KCNV2: variants seen among roughly 807,000 people sequenced by gnomAD.
KCNV2 encodes the protein potassium voltage-gated channel modifier subfamily V member 2, also known as potassium voltage-gated channel subfamily V member 2.
In KCNV2, 65 loss-of-function variants were observed where a neutral mutation model predicts 37.0. The observed-to-expected ratio is 1.76, with a 90% CI of 1.44 to 2.16. The LOEUF (loss-of-function observed/expected upper bound fraction) is 2.16, where lower values mean the gene tolerates loss of function less well. Ranked by LOEUF, KCNV2 falls within the 30% of genes most tolerant of loss-of-function variation. The pLI is 0.00. For missense variants in KCNV2, 1,232 were observed against 766.7 expected (o/e 1.61, Z -7.17); for synonymous variants, 518 against 328.6 (o/e 1.58, Z -6.23).
rs746257061 is a variant in KCNV2 at position 2,718,197 on chromosome 9, G to A, written c.458G>A (p.Arg153His). The change falls in exon 1 of 2, where the codon CGC becomes CAC. Residue 153 changes from arginine to histidine, a missense_variant. Transcript: ENST00000382082. ...EEQTDEYFFD[R>H]DPAVFQLVYN... ...CAGACAGACGAATACTTCTTCGACC[G>A]CGACCCGGCCGTCTTCCAGCTGGTC... 2.3e-5 allele frequency: 37 copies of A among 1,613,168 alleles called. No homozygotes were observed. Among genetic ancestry groups the A allele is most frequent in the Middle Eastern group, 1.6e-4 (1 of 6,084 alleles).
At chr9:2,726,949 C>G (rs547774694) in intron 1 of KCNV2, among the ~76,000 whole-genome samples, 1 of 152,064 alleles carries the variant, frequency 6.6e-6, no homozygotes, top group Non-Finnish European at 1.5e-5. Flanking sequence ...AGTTTCATCC[C>G]GAAACCATCC....
intron 1 of KCNV2, among the ~76,000 whole-genome samples, chr9:2,727,415 C>G (rs1170308420): frequency 6.6e-6 from 1 of 151,938 alleles, no homozygotes; most frequent in Non-Finnish European, 1.5e-5. Context: ...CACATGTACC[C>G]TAGAACTTAA....
At position 2,717,967 on chromosome 9, in the gene KCNV2, G is replaced by T. The variant is rs1434725145; in HGVS notation, c.228G>T (p.Gln76His). Residue 76 changes from glutamine to histidine, a missense_variant, in exon 1 of 2, where the codon CAG (glutamine) becomes CAT (histidine). Gln to His is a conservative substitution (Grantham distance 24). Coordinates refer to ENST00000382082, the MANE Select transcript of KCNV2 (RefSeq NM_133497.4). ...AGGACGACCTGGCAGAAGAGGACCA[G>T]CAGGCAGGGGAGGTCACCACCGCCA... Reference protein sequence around the residue: ...QWKDDLAEEDQQAGEVTTAKP... With the variant: ...QWKDDLAEEDHQAGEVTTAKP... The T allele has an allele frequency of 1.2e-6, 2 of 1,614,176 alleles. No individual in the cohort carries two copies. Among genetic ancestry groups the T allele is most frequent in the Non-Finnish European group, 1.7e-6 (2 of 1,180,034 alleles).
At position 2,718,212 on chromosome 9, in the gene KCNV2, T is replaced by G; in HGVS notation, c.473T>G (p.Phe158Cys). 1.2e-6 allele frequency: 2 copies of G among 1,613,544 alleles called. No individual in the cohort carries two copies. The highest frequency in any genetic ancestry group is 1.7e-6 in the Non-Finnish European group (2 of 1,179,950). The part of the protein sequence containing the change: ...EYFFDRDPAV[F>C]QLVYNFYLSG... ...TTCTTCGACCGCGACCCGGCCGTCT[T>G]CCAGCTGGTCTACAATTTCTACCTG... The change falls in exon 1 of 2, where the codon TTC (phenylalanine) becomes TGC (cysteine). Residue 158 changes from phenylalanine (F) to cysteine (C), a missense_variant. Phe to Cys is a radical substitution (Grantham distance 205). Coordinates refer to ENST00000382082, the MANE Select transcript of KCNV2 (RefSeq NM_133497.4).
rs1227401867 is a variant in KCNV2 at position 2,718,899 on chromosome 9, TC to T, written c.1162del (p.Leu388SerfsTer66). 6.2e-7 allele frequency: 1 copy of T among 1,609,148 alleles called. No homozygotes were observed. The highest frequency in any genetic ancestry group is 1.7e-5 in the Admixed American group (1 of 60,022). On this transcript the variant is annotated frameshift_variant, in exon 1 of 2. Transcript: ENST00000382082. LOFTEE classifies it high-confidence loss of function. The part of the protein sequence containing the change: ...RVMRLMRIFR[I>X]LKLARHSTGL... Reference sequence around the variant, plus strand: ...ATGCGCCTCATGCGCATCTTCCGCATCCTCAAGCTGGCGCGCCACTCCACCG... The same window carrying T: ...ATGCGCCTCATGCGCATCTTCCGCATCTCAAGCTGGCGCGCCACTCCACCG...
At position 2,717,995 on chromosome 9, in the gene KCNV2, C is replaced by G. The variant is rs764748937; in HGVS notation, c.256C>G (p.Pro86Ala). ...GGCAGGGGAGGTCACCACCGCCAAG[C>G]CCGAGGGCCCCAGCGACCCTCCGGC... ...QQAGEVTTAK[P>A]EGPSDPPALL... The change falls in exon 1 of 2, where the codon CCC (proline) becomes GCC (alanine). Residue 86 changes from proline to alanine, a missense_variant. Transcript: ENST00000382082. The G allele has an allele frequency of 6.2e-7, 1 of 1,614,102 alleles. No homozygotes were observed. The highest frequency in any genetic ancestry group is 8.5e-7 in the Non-Finnish European group (1 of 1,179,998).
In KCNV2 at chr9:2,718,141, C is replaced by T. The variant is rs1463175335; in HGVS notation, c.402C>T (p.Arg134=). 5 of 1,610,162 alleles carry T rather than the reference C, an allele frequency of 3.1e-6. No homozygotes were observed. In the East Asian group the frequency reaches 1.1e-4, roughly 36 times the overall value. The change falls in exon 1 of 2, where the codon CGC becomes CGT. Residue 134 remains arginine (R), a synonymous_variant. Transcript: ENST00000382082. ...TGGCCACCTCCACCAGCCGCAGCCG[C>T]CAGCTAAGCCTGTGCGACGACTACG... ...GRLATSTSRS[R]QLSLCDDYEE... is the part of the protein sequence containing the mutation.
chr9:2,725,786 C>T (rs10967752), intron 1 of KCNV2, among the ~76,000 whole-genome samples: 8,126 of 152,182 alleles, frequency 0.053, 748 homozygotes, highest in African/African-American at 0.19. Flanking sequence ...AGATTGATTC[C>T]ATTCCTTGTT....
rs1194218968 is a variant in KCNV2, at chr9:2,717,707, G to C, written c.-33G>C. On this transcript the variant is annotated 5_prime_UTR_variant, in exon 1 of 2. Coordinates refer to ENST00000382082, the MANE Select transcript of KCNV2 (RefSeq NM_133497.4). ...GGTGAGGGACCCCTACCACAGCCAG[G>C]AGGAAAAAGCTAGGCGTCCACTTTC... The C allele has an allele frequency of 6.2e-7, 1 of 1,614,020 alleles. No individual in the cohort carries two copies. Among genetic ancestry groups the C allele is most frequent in the Admixed American group, 1.7e-5 (1 of 60,024 alleles).
At position 2,718,907 on chromosome 9, in the gene KCNV2, C is replaced by G. The variant is rs1488223894; in HGVS notation, c.1168C>G (p.Leu390Val). The change falls in exon 1 of 2, where the codon CTG becomes GTG. Residue 390 changes from leucine (L) to valine (V), a missense_variant. Coordinates refer to ENST00000382082, the MANE Select transcript of KCNV2 (RefSeq NM_133497.4). ...CATGCGCATCTTCCGCATCCTCAAG[C>G]TGGCGCGCCACTCCACCGGACTGCG... ...RLMRIFRILK[L>V]ARHSTGLRAF... is the part of the protein sequence containing the mutation. The G allele has an allele frequency of 1.2e-6, 2 of 1,608,918 alleles. No individual in the cohort carries two copies. The highest frequency in any genetic ancestry group is 1.7e-6 in the Non-Finnish European group (2 of 1,180,018).
At position 2,719,020 on chromosome 9, in the gene KCNV2, G is replaced by A. The variant is rs970151348; in HGVS notation, c.1281G>A (p.Ala427=). 1 of 1,612,774 alleles carries A rather than the reference G, an allele frequency of 6.2e-7. No homozygotes were observed. Among genetic ancestry groups the A allele is most frequent in the African/African-American group, 1.3e-5 (1 of 74,938 alleles). The change falls in exon 1 of 2, where the codon GCG becomes GCA. Residue 427 remains alanine, a synonymous_variant. Transcript: ENST00000382082. ...CCATGGGCATCTTCACTTTCTCTGC[G>A]GCTGTCTACTCTGTGGAGCACGATG... ...FIAMGIFTFS[A]AVYSVEHDVP... is the part of the protein sequence containing the mutation.
rs751644579 is a variant in KCNV2, at chr9:2,718,233, A to G, written c.494A>G (p.Tyr165Cys). The change falls in exon 1 of 2, where the codon TAC becomes TGC. Residue 165 changes from tyrosine (Y) to cysteine (C), a missense_variant. By Grantham distance (194) the Tyr-to-Cys change is radical (BLOSUM62 -2). Transcript: ENST00000382082. ...GTCTTCCAGCTGGTCTACAATTTCT[A>G]CCTGTCCGGGGTGCTGCTGGTGCTC... ...PAVFQLVYNF[Y>C]LSGVLLVLDG... The G allele has an allele frequency of 3.0e-5, 49 of 1,613,054 alleles. No homozygotes were observed. Among genetic ancestry groups the G allele is most frequent in the Non-Finnish European group, 3.6e-5 (42 of 1,179,878 alleles).
intron 1 of KCNV2, among the ~76,000 whole-genome samples, chr9:2,720,101 T>G (rs1377217453): frequency 6.6e-6 from 1 of 152,232 alleles, no homozygotes; most frequent in Admixed American, 6.5e-5. Flanking sequence ...TTAAAGACAT[T>G]AAGCAAATAT....
At chr9:2,719,304 T>G (rs1265039121) in intron 1 of KCNV2, among the ~76,000 whole-genome samples, 1 of 152,150 alleles carries the variant, frequency 6.6e-6, no homozygotes, top group African/African-American at 2.4e-5. Flanking sequence ...TGAATTTGAC[T>G]TAGTCGTAGA....
Position 2,717,745 on chromosome 9 carries a change from C to A in KCNV2, c.6C>A (p.Leu2=). The A allele has an allele frequency of 6.2e-7, 1 of 1,614,016 alleles. No individual in the cohort carries two copies. Among genetic ancestry groups the A allele is most frequent in the South Asian group, 1.1e-5 (1 of 91,060 alleles). The part of the protein sequence containing the change: M[L]KQSERRRSWS... ...GGCGTCCACTTTCCGCAGCCATGCT[C>A]AAACAGAGTGAGAGGAGACGGTCCT... The change falls in exon 1 of 2, where the codon CTC becomes CTA. Residue 2 remains leucine, a synonymous_variant. Transcript: ENST00000382082.
rs199829137 is a variant in KCNV2 at position 2,718,768 on chromosome 9, C to T, written c.1029C>T (p.Ile343=). ...SALNLVDLVA[I]LPLYLQLLLE... ...TCAACCTGGTGGACCTGGTGGCCATCCTGCCGCTCTACCTTCAGCTGCTGC... is the reference window on the plus strand; with the variant it reads ...TCAACCTGGTGGACCTGGTGGCCATTCTGCCGCTCTACCTTCAGCTGCTGC... Residue 343 remains isoleucine, a synonymous_variant, in exon 1 of 2, where the codon ATC becomes ATT. Coordinates refer to ENST00000382082, the MANE Select transcript of KCNV2 (RefSeq NM_133497.4). 2 of 1,611,472 alleles carry T rather than the reference C, an allele frequency of 1.2e-6. No individual in the cohort carries two copies. Among genetic ancestry groups the T allele is most frequent in the East Asian group, 4.5e-5 (2 of 44,874 alleles).
At chr9:2,726,120 G>A (rs1819963634) in intron 1 of KCNV2, among the ~76,000 whole-genome samples, 1 of 152,124 alleles carries the variant, frequency 6.6e-6, no homozygotes, top group Non-Finnish European at 1.5e-5. Flanking sequence ...ATTCTGTGAG[G>A]TCACTTGGGT....
rs1586687813 is a variant in KCNV2 at position 2,718,971 on chromosome 9, T to G, written c.1232T>G (p.Val411Gly). 1 of 1,611,316 alleles carries G rather than the reference T, an allele frequency of 6.2e-7. No individual in the cohort carries two copies. The highest frequency in any genetic ancestry group is 2.2e-5 in the East Asian group (1 of 44,876). ...ACGCTGCGCCAGTGCTACCAGCAGG[T>G]GGGCTGCCTGCTGCTCTTCATCGCC... Reference protein sequence around the residue: ...GFTLRQCYQQVGCLLLFIAMG... With the variant: ...GFTLRQCYQQGGCLLLFIAMG... Residue 411 changes from valine to glycine, a missense_variant, in exon 1 of 2, where the codon GTG (valine) becomes GGG (glycine). By Grantham distance (109) the Val-to-Gly change is moderately radical. Coordinates refer to ENST00000382082, the MANE Select transcript of KCNV2 (RefSeq NM_133497.4).
Position 2,718,903 on chromosome 9 carries a change from C to A in KCNV2, c.1164C>A (p.Leu388=). The A allele has an allele frequency of 6.2e-7, 1 of 1,608,994 alleles. No homozygotes were observed. The highest frequency in any genetic ancestry group is 8.5e-7 in the Non-Finnish European group (1 of 1,180,010). The change falls in exon 1 of 2, where the codon CTC becomes CTA. Residue 388 remains leucine (L), a synonymous_variant. Coordinates refer to ENST00000382082, the MANE Select transcript of KCNV2 (RefSeq NM_133497.4). Reference sequence around the variant, plus strand: ...GCCTCATGCGCATCTTCCGCATCCTCAAGCTGGCGCGCCACTCCACCGGAC... The same window carrying A: ...GCCTCATGCGCATCTTCCGCATCCTAAAGCTGGCGCGCCACTCCACCGGAC... ...VMRLMRIFRI[L]KLARHSTGLR...
Sources: gnomAD v4.1 joint callset for allele counts (sites outside exome capture counted in the v4.1 genomes callset) on GRCh38, gnomAD v4.1.1 for gene constraint, MANE v1.5 for transcripts, NCBI Gene and HGNC (gene_info 2026-07-23, HGNC 2026-07-21) for gene names.